The following JAM2 variants were observed in gnomAD, a reference collection of about 807,000 sequenced individuals.
JAM2 encodes the protein junctional adhesion molecule B.
Under a neutral mutation model 42.0 loss-of-function variants are expected in JAM2, and 17 were observed. The ratio of observed to expected loss-of-function variants is 0.40; its 90% CI spans 0.28 to 0.61. JAM2 has a LOEUF of 0.61. Among genes scored for constraint, JAM2 ranks in the 20% least tolerant of loss-of-function variants. The pLI is 0.37. For missense variants in JAM2, 319 were observed against 358.3 expected, an observed-to-expected ratio of 0.89 and a Z score of 0.89; for synonymous variants, 118 against 128.6, an observed-to-expected ratio of 0.92 and a Z score of 0.56.
At chr21:25,655,744 C>T (rs887205121) in intron 1 of JAM2, among the ~76,000 whole-genome samples, 1 of 148,812 alleles carries the variant, frequency 6.7e-6, no homozygotes, top group Admixed American at 6.8e-5. Context: ...GATCCGCCTG[C>T]CTTGGCCTCC....
chr21:25,666,830 G>A (rs1468716423), intron 1 of JAM2, among the ~76,000 whole-genome samples: 1 of 152,204 alleles, frequency 6.6e-6, no homozygotes, highest in Non-Finnish European at 1.5e-5. Context: ...GCACCTGGTA[G>A]TTGTGGCTTT....
chr21:25,682,933 C>T (rs1216706724), intron 1 of JAM2, among the ~76,000 whole-genome samples: 1 of 152,098 alleles, frequency 6.6e-6, no homozygotes, highest in Non-Finnish European at 1.5e-5. Context: ...TTTCTTTGCC[C>T]TGTTGTTCCG....
intron 1 of JAM2, among the ~76,000 whole-genome samples, chr21:25,679,887 A>G (rs1263778924): frequency 6.6e-6 from 1 of 152,204 alleles, no homozygotes; most frequent in East Asian, 1.9e-4. Flanking sequence ...GTAATTAACT[A>G]TGTGGGCTTC....
At chr21:25,663,483 T>G (rs1182509799) in intron 1 of JAM2, among the ~76,000 whole-genome samples, 1 of 152,156 alleles carries the variant, frequency 6.6e-6, no homozygotes, top group Non-Finnish European at 1.5e-5. Flanking sequence ...AATGTAGCAG[T>G]ATTAAGAGGT....
Position 25,693,497 on chromosome 21 carries a change from T to C in JAM2, c.242-259T>C, listed in dbSNP as rs111952117. 7.4e-3 allele frequency among the ~76,000 whole-genome samples: 1,134 copies of C among 152,320 alleles called. 20 individuals are homozygous for C. Among genetic ancestry groups the C allele is most frequent in the African/African-American group, 0.026 (1,065 of 41,570 alleles). On this transcript the variant is annotated intron_variant, in intron 3 of 9. Transcript: ENST00000480456. ...TGGTCTTGAACTCCTGACTTAGTGA[T>C]CTACCGGCCTCGGCCTCCCAAAGTG...
intron 1 of JAM2, among the ~76,000 whole-genome samples, chr21:25,650,088 A>C (rs974817511): frequency 6.6e-6 from 1 of 152,204 alleles, no homozygotes; most frequent in Non-Finnish European, 1.5e-5. Flanking sequence ...TATCTTCGTG[A>C]GGGTGGCAGA....
chr21:25,661,961 A>G (rs1601005018), intron 1 of JAM2, among the ~76,000 whole-genome samples: 2 of 152,036 alleles, frequency 1.3e-5, no homozygotes, highest in South Asian at 4.1e-4. Context: ...GTGGATATGT[A>G]TAGATGTGGG....
intron 1 of JAM2, among the ~76,000 whole-genome samples, chr21:25,656,950 AAGG>A (rs1260640447): frequency 6.6e-6 from 1 of 152,214 alleles, no homozygotes; most frequent in East Asian, 1.9e-4. Flanking sequence ...TAGAATGTTT[AAGG>A]AGATTTATTT....
At chr21:25,673,632 G>A (rs1338673239) in intron 1 of JAM2, among the ~76,000 whole-genome samples, 1 of 152,280 alleles carries the variant, frequency 6.6e-6, no homozygotes, top group East Asian at 1.9e-4. Flanking sequence ...CTTATGTCTG[G>A]AGCTACTTTC....
intron 1 of JAM2, among the ~76,000 whole-genome samples, chr21:25,682,863 C>G (rs1279314943): frequency 6.6e-6 from 1 of 151,880 alleles, no homozygotes; most frequent in Non-Finnish European, 1.5e-5. Flanking sequence ...AGGCCGAATA[C>G]TTCTCTGACC....
chr21:25,701,188 C>T (rs2034157191), intron 5 of JAM2, among the ~76,000 whole-genome samples: 1 of 152,212 alleles, frequency 6.6e-6, no homozygotes, highest in Non-Finnish European at 1.5e-5. Context: ...TATATGTAAC[C>T]TTGGCCATGA....
chr21:25,714,455 G>A (rs918571477), intron 9 of JAM2, 185 bp from the exon 10 acceptor site: 5 of 504,978 alleles, frequency 9.9e-6, no homozygotes, highest in Admixed American at 4.0e-5. Context: ...CTGAGATCAC[G>A]CCACTGCAGT....
chr21:25,699,616 G>A lies in JAM2; in HGVS notation c.597+737G>A, dbSNP rs370162400. Reference sequence around the variant, plus strand: ...CGGGCGCCTGTAGTCCCAGCTACTCGGGAGGCTGAGGCAGGAGAATGGCGT... The same window carrying A: ...CGGGCGCCTGTAGTCCCAGCTACTCAGGAGGCTGAGGCAGGAGAATGGCGT... On this transcript the variant is annotated intron_variant, in intron 5 of 9. Transcript: ENST00000480456. Among the ~76,000 whole-genome samples the A allele has an allele frequency of 3.4e-4, 52 of 151,380 alleles. No homozygotes were observed. The East Asian group carries it at 9.0e-3, about 26-fold the overall frequency.
At chr21:25,683,602 AT>A (rs1012089161) in intron 1 of JAM2, among the ~76,000 whole-genome samples, 2 of 152,140 alleles carry the variant, frequency 1.3e-5, no homozygotes, top group Non-Finnish European at 2.9e-5. Context: ...TTATTTTTCA[AT>A]GATCGGGCTG....
rs2034336883 is a variant in JAM2 at position 25,709,385 on chromosome 21, C to T, written c.806-49C>T. 5 of 984,932 alleles carry T rather than the reference C, an allele frequency of 5.1e-6. No homozygotes were observed. The East Asian group carries it at 1.2e-4, about 24-fold the overall frequency. The allele number at this position is 984,932 out of a possible 1,614,324, so 61.0% of individuals were successfully genotyped here. A position where few individuals can be genotyped will look rare whatever the true frequency, so the allele number is the denominator to read the frequency against. ...AACTCATTTTTATATGAATCTGTAT[C>T]ATACCATAATAACCCTTGCATTAAT... On this transcript the variant is annotated intron_variant, in intron 7 of 9. Coordinates refer to ENST00000480456, the MANE Select transcript of JAM2 (RefSeq NM_021219.4).
intron 6 of JAM2, among the ~76,000 whole-genome samples, chr21:25,704,654 T>C (rs1031715562): frequency 1.3e-5 from 2 of 152,240 alleles, no homozygotes; most frequent in South Asian, 2.1e-4. Flanking sequence ...AATAAATACA[T>C]GGGAAGTATC....
In JAM2 at chr21:25,668,079, T is replaced by C. The variant is rs145853805; in HGVS notation, c.68-15804T>C. 4.8e-3 allele frequency among the ~76,000 whole-genome samples: 729 copies of C among 152,084 alleles called. 5 individuals carry two copies. The highest frequency in any genetic ancestry group is 0.017 in the African/African-American group (704 of 41,470). ...ACATCTAAAGGAAGAGTCTTTCAGA[T>C]GGAGGAAACAGCCAGAGTCTGGCCT... On this transcript the variant is annotated intron_variant, in intron 1 of 9. Transcript: ENST00000480456.
At chr21:25,661,610 A>T (rs947614784) in intron 1 of JAM2, among the ~76,000 whole-genome samples, 5 of 151,844 alleles carry the variant, frequency 3.3e-5, no homozygotes, top group Non-Finnish European at 7.4e-5. Flanking sequence ...AATTTTACAT[A>T]TATATAAATT....
intron 1 of JAM2, among the ~76,000 whole-genome samples, chr21:25,681,444 A>G (rs1338450437): frequency 6.6e-6 from 1 of 152,090 alleles, no homozygotes; most frequent in East Asian, 1.9e-4. Flanking sequence ...GGTGGGGAAA[A>G]GCCCCTTATA....
Sources: gnomAD v4.1 joint callset for allele counts (sites outside exome capture counted in the v4.1 genomes callset) on GRCh38, gnomAD v4.1.1 for gene constraint, MANE v1.5 for transcripts, NCBI Gene and HGNC (gene_info 2026-07-23, HGNC 2026-07-21) for gene names.